Variants in FHIT observed in about 807,000 individuals in gnomAD.
FHIT encodes bis(5'-adenosyl)-triphosphatase.
In FHIT, 19 loss-of-function variants were observed where a neutral mutation model predicts 17.9. That is an observed-to-expected ratio of 1.06 (90% CI 0.74 to 1.56). The LOEUF (loss-of-function observed/expected upper bound fraction) is 1.56. FHIT is among the 40% of genes most tolerant of loss of function. The pLI is 0.00. For missense variants in FHIT, 248 were observed against 189.2 expected (o/e 1.31, Z -1.82); for synonymous variants, 81 against 69.7 (o/e 1.16, Z -0.81).
intron 3 of FHIT, among the ~76,000 whole-genome samples, chr3:60,997,619 G>A (rs1179005929): frequency 6.6e-6 from 1 of 152,056 alleles, no homozygotes; most frequent in South Asian, 2.1e-4. Context: ...TCCATTACCT[G>A]CTTTGTCCTC....
At chr3:60,222,069 T>A (rs544546607) in intron 5 of FHIT, among the ~76,000 whole-genome samples, 1 of 152,142 alleles carries the variant, frequency 6.6e-6, no homozygotes, top group Admixed American at 6.5e-5. Context: ...CAAAAATTAT[T>A]GGGCATGGAC....
At position 59,896,443 on chromosome 3, in the gene FHIT, A is replaced by G. The variant is rs76838744; in HGVS notation, c.348+25903T>C. On this transcript the variant is annotated intron_variant, in intron 8 of 9. Transcript: ENST00000492590. Reference sequence around the variant, plus strand: ...CCTTTATTTAACTGCGATCAATTCAACATAAGACTGAAAATCAGAATAATA... The same window carrying G: ...CCTTTATTTAACTGCGATCAATTCAGCATAAGACTGAAAATCAGAATAATA... Among the ~76,000 whole-genome samples, 479 of 152,342 alleles carry G rather than the reference A, an allele frequency of 3.1e-3. 2 individuals are homozygous for G. The highest frequency in any genetic ancestry group is 0.011 in the African/African-American group (455 of 41,580).
At chr3:59,903,082 A>C (rs1195445944) in intron 8 of FHIT, among the ~76,000 whole-genome samples, 1 of 152,210 alleles carries the variant, frequency 6.6e-6, no homozygotes, top group Non-Finnish European at 1.5e-5. Flanking sequence ...ATTTTTGTGA[A>C]TCATACCTTA....
At chr3:59,927,463 TAA>T (rs58083993) in intron 7 of FHIT, among the ~76,000 whole-genome samples, 2,776 of 130,238 alleles carry the variant, frequency 0.021, 36 homozygotes, top group Non-Finnish European at 0.029. Flanking sequence ...AGCTATTACT[TAA>T]AAAAAAAAAA....
chr3:59,816,978 G>T (rs901905793), intron 8 of FHIT, among the ~76,000 whole-genome samples: 2 of 152,108 alleles, frequency 1.3e-5, no homozygotes, highest in African/African-American at 4.8e-5. Context: ...TAAACTCGTG[G>T]GACCTAAACA....
chr3:59,789,755 A>G (rs1699472184), intron 8 of FHIT, among the ~76,000 whole-genome samples: 1 of 152,114 alleles, frequency 6.6e-6, no homozygotes, highest in Non-Finnish European at 1.5e-5. Flanking sequence ...AGGGCCCCTA[A>G]CTCATTAATA....
chr3:61,015,940 A>C (rs2032082186), intron 3 of FHIT, among the ~76,000 whole-genome samples: 1 of 152,190 alleles, frequency 6.6e-6, no homozygotes, highest in Non-Finnish European at 1.5e-5. Flanking sequence ...TTTTTAAAAA[A>C]CTTTGTCAGT....
intron 5 of FHIT, among the ~76,000 whole-genome samples, chr3:60,403,314 C>T (rs1701732883): frequency 6.6e-6 from 1 of 152,170 alleles, no homozygotes; most frequent in Non-Finnish European, 1.5e-5. Context: ...GATTTCCTTT[C>T]AACAGACCCT....
chr3:60,450,578 C>T (rs1397366313), intron 5 of FHIT, among the ~76,000 whole-genome samples: 2 of 152,030 alleles, frequency 1.3e-5, no homozygotes, highest in Admixed American at 6.6e-5. Context: ...AAAGATAATG[C>T]AGAGCAGGAA....
At chr3:61,085,765 T>C (rs950260019) in intron 2 of FHIT, among the ~76,000 whole-genome samples, 2 of 152,206 alleles carry the variant, frequency 1.3e-5, no homozygotes, top group Non-Finnish European at 2.9e-5. Context: ...AAGCTTATAT[T>C]TTGGTCTGTA....
At chr3:61,101,273 A>C (rs1393512606) in intron 2 of FHIT, among the ~76,000 whole-genome samples, 1 of 152,146 alleles carries the variant, frequency 6.6e-6, no homozygotes, top group Non-Finnish European at 1.5e-5. Flanking sequence ...TCAGCTTTCT[A>C]CATATGGCTA....
At chr3:59,933,750 G>T (rs9845099) in intron 7 of FHIT, among the ~76,000 whole-genome samples, 4,378 of 152,102 alleles carry the variant, frequency 0.029, 198 homozygotes, top group African/African-American at 0.1. Flanking sequence ...GTTCTGCTGT[G>T]GACAATAAAT....
chr3:59,992,619 T>C (rs1699332750), intron 7 of FHIT, among the ~76,000 whole-genome samples: 1 of 152,092 alleles, frequency 6.6e-6, no homozygotes. Flanking sequence ...GAGTACCTGA[T>C]TTCTACTAAA....
At chr3:61,149,780 T>C (rs2037331659) in intron 2 of FHIT, among the ~76,000 whole-genome samples, 1 of 151,642 alleles carries the variant, frequency 6.6e-6, no homozygotes, top group South Asian at 2.1e-4. Context: ...CTCGGGAGGC[T>C]GATGGGGGAG....
At chr3:61,003,088 T>C (rs541330835) in intron 3 of FHIT, among the ~76,000 whole-genome samples, 35 of 152,352 alleles carry the variant, frequency 2.3e-4, no homozygotes, top group South Asian at 2.3e-3. Flanking sequence ...TTTGCAGTGA[T>C]ATAAAATTAA....
intron 5 of FHIT, among the ~76,000 whole-genome samples, chr3:60,142,012 G>C (rs1411162621): frequency 2.6e-5 from 4 of 152,092 alleles, no homozygotes; most frequent in African/African-American, 9.7e-5. Context: ...GACAGACATG[G>C]GGGGATAAAA....
At chr3:61,203,169 G>T (rs1190142664) in intron 1 of FHIT, among the ~76,000 whole-genome samples, 11 of 109,874 alleles carry the variant, frequency 1.0e-4, no homozygotes, top group African/African-American at 3.7e-4. Flanking sequence ...AACAGAGCGA[G>T]ACTCCGTCTC....
intron 4 of FHIT, among the ~76,000 whole-genome samples, chr3:60,551,076 G>A (rs2036530546): frequency 6.6e-6 from 1 of 152,076 alleles, no homozygotes; most frequent in Non-Finnish European, 1.5e-5. Flanking sequence ...GTTCCAGATG[G>A]AGGAAACAGC....
At chr3:60,564,816 T>C (rs2037075592) in intron 4 of FHIT, among the ~76,000 whole-genome samples, 1 of 152,166 alleles carries the variant, frequency 6.6e-6, no homozygotes, top group Non-Finnish European at 1.5e-5. Flanking sequence ...ATTGTCGAAA[T>C]GACAACAAAG....
Sources: gnomAD v4.1 joint callset for allele counts (sites outside exome capture counted in the v4.1 genomes callset) on GRCh38, gnomAD v4.1.1 for gene constraint, MANE v1.5 for transcripts, NCBI Gene and HGNC (gene_info 2026-07-23, HGNC 2026-07-21) for gene names.